Variants in FHIP2A observed in about 807,000 individuals in gnomAD.
FHIP2A encodes the protein FHF complex subunit HOOK interacting protein 2A.
A neutral mutation model predicts 93.5 loss-of-function variants in FHIP2A; 46 were observed. The observed-to-expected ratio is 0.49, with a 90% CI of 0.39 to 0.63. FHIP2A has a LOEUF of 0.63. FHIP2A is among the 20% of genes least tolerant of loss of function. The probability of loss-of-function intolerance (pLI) is 0.00; values close to 1 mark genes in which losing one functional copy is unlikely to be tolerated. For synonymous variants in FHIP2A, 332 were observed against 326.5 expected (o/e 1.02, Z -0.18); for missense variants, 769 against 909.7 (o/e 0.85, Z 1.99).
chr10:114,866,150 C>G (rs911248348), downstream of FHIP2A, among the ~76,000 whole-genome samples: 1 of 152,056 alleles, frequency 6.6e-6, no homozygotes, highest in East Asian at 1.9e-4. Flanking sequence ...AGCACAGGCC[C>G]CAGTGTGTGT....
intron 16 of FHIP2A, among the ~76,000 whole-genome samples, chr10:114,886,671 A>G (rs2083944698): frequency 6.6e-6 from 1 of 152,052 alleles, no homozygotes; most frequent in Non-Finnish European, 1.5e-5. Flanking sequence ...CAGCCTCCCA[A>G]GTAGTTGGGA....
intron 13 of FHIP2A, among the ~76,000 whole-genome samples, chr10:114,852,430 T>G (rs2083742675): frequency 6.6e-6 from 1 of 152,208 alleles, no homozygotes; most frequent in African/African-American, 2.4e-5. Context: ...TTTCCTGCTG[T>G]GGTCAGTGGC....
Position 114,830,932 on chromosome 10 carries a change from T to G in FHIP2A, c.124+2T>G. On this transcript the variant is annotated splice_donor_variant, in intron 2 of 16. Transcript: ENST00000369248. LOFTEE classifies it high-confidence loss of function. Reference sequence around the variant, plus strand: ...CCCATTACTACATAGAGACTTCAGGTAAGGAACAATGCTGATATTAACTGA... The same window carrying G: ...CCCATTACTACATAGAGACTTCAGGGAAGGAACAATGCTGATATTAACTGA... The G allele has an allele frequency of 6.4e-7, 1 of 1,554,618 alleles. No individual in the cohort carries two copies. The highest frequency in any genetic ancestry group is 8.8e-7 in the Non-Finnish European group (1 of 1,141,968).
chr10:114,829,617 G>A (rs887108203), intron 1 of FHIP2A, among the ~76,000 whole-genome samples: 6 of 152,098 alleles, frequency 3.9e-5, no homozygotes, highest in African/African-American at 1.4e-4. Context: ...TTGTGATATC[G>A]GACCTGTGAC....
Position 114,891,537 on chromosome 10 carries a change from A to ATGTGTGTG in FHIP2A, c.2193-7924_2193-7917dup, listed in dbSNP as rs34032569. Among the ~76,000 whole-genome samples, 382 of 137,196 alleles carry ATGTGTGTG rather than the reference A, an allele frequency of 2.8e-3. 3 individuals carry two copies. Among genetic ancestry groups the ATGTGTGTG allele is most frequent in the African/African-American group, 9.4e-3 (333 of 35,294 alleles). The allele number at this position is 137,196 out of a possible 152,430, so 90.0% of individuals were successfully genotyped here. ...GCCACAAGGGTGAATATATATATAT[A>ATGTGTGTG]TGTGTGTGTGTGTGTGTGTGTGTGT... is the stretch of plus-strand genomic sequence containing the variant. On this transcript the variant is annotated intron_variant, in intron 16 of 16. Transcript: ENST00000369250.
intron 16 of FHIP2A, among the ~76,000 whole-genome samples, chr10:114,896,689 T>A (rs1286800003): frequency 6.6e-6 from 1 of 152,214 alleles, no homozygotes; most frequent in Non-Finnish European, 1.5e-5. Flanking sequence ...ACCGAACCAA[T>A]GTACTTCTTA....
At chr10:114,898,745 T>A (rs2084012836) in intron 16 of FHIP2A, among the ~76,000 whole-genome samples, 1 of 152,192 alleles carries the variant, frequency 6.6e-6, no homozygotes, top group African/African-American at 2.4e-5. Flanking sequence ...AAAATGATAT[T>A]GATTTTGAGT....
intron 5 of FHIP2A, among the ~76,000 whole-genome samples, chr10:114,842,430 A>G (rs2083674298): frequency 6.6e-6 from 1 of 152,054 alleles, no homozygotes; most frequent in Non-Finnish European, 1.5e-5. Context: ...TATTTGAGAG[A>G]ATTTGGGGGC....
intron 16 of FHIP2A, among the ~76,000 whole-genome samples, chr10:114,879,534 A>G (rs2083906317): frequency 6.6e-6 from 1 of 152,216 alleles, no homozygotes; most frequent in Admixed American, 6.5e-5. Flanking sequence ...TATGAAATAG[A>G]GCATTTTATA....
At chr10:114,850,004 G>A (rs1393094531) in intron 13 of FHIP2A, among the ~76,000 whole-genome samples, 7 of 152,134 alleles carry the variant, frequency 4.6e-5, no homozygotes, top group Non-Finnish European at 5.9e-5. Context: ...GATATTTTGT[G>A]TATCTGTCAG....
At chr10:114,894,162 T>C (rs1315141832) in intron 16 of FHIP2A, among the ~76,000 whole-genome samples, 1 of 152,172 alleles carries the variant, frequency 6.6e-6, no homozygotes, top group Non-Finnish European at 1.5e-5. Context: ...GATTCTTTCA[T>C]TGATAACAGG....
At chr10:114,885,326 C>T (rs923444955) in intron 16 of FHIP2A, among the ~76,000 whole-genome samples, 5 of 148,628 alleles carry the variant, frequency 3.4e-5, no homozygotes, top group African/African-American at 5.0e-5. Flanking sequence ...AGCAGGGAGG[C>T]GTAGGTTACA....
chr10:114,866,727 G>C (rs1234230944), downstream of FHIP2A, among the ~76,000 whole-genome samples: 1 of 152,190 alleles, frequency 6.6e-6, no homozygotes, highest in African/African-American at 2.4e-5. Context: ...AACACTGTTA[G>C]AGAAACGAGA....
chr10:114,839,749 G>T (rs966506083), intron 5 of FHIP2A, among the ~76,000 whole-genome samples: 7 of 151,922 alleles, frequency 4.6e-5, no homozygotes, highest in African/African-American at 1.7e-4. Flanking sequence ...GGGCTTGGTG[G>T]CCCATGCCTA....
chr10:114,861,172 C>G, intron 15 of FHIP2A, 59 bp from the exon 16 acceptor site: 2 of 1,590,248 alleles, frequency 1.3e-6, no homozygotes, highest in Non-Finnish European at 1.7e-6. Context: ...CTTTTTAGAT[C>G]CTGAGGTTGT....
At position 114,843,893 on chromosome 10, in the gene FHIP2A, A is replaced by G. The variant is rs1270804793; in HGVS notation, c.969A>G (p.Ser323=). The stretch of plus-strand genomic sequence containing the variant: ...CCCTGTACAAGGCCCTACCTCAGTC[A>G]GTGGATCCGTTAGATATTGAAACCG... The part of the protein sequence containing the change: ...LASLYKALPQ[S]VDPLDIETVE... Residue 323 remains serine, a synonymous_variant, in exon 7 of 17, where the codon TCA becomes TCG. Coordinates refer to ENST00000369248, the MANE Select transcript of FHIP2A (RefSeq NM_020940.4). The G allele has an allele frequency of 6.3e-7, 1 of 1,594,408 alleles. No homozygotes were observed. Among genetic ancestry groups the G allele is most frequent in the East Asian group, 2.3e-5 (1 of 44,432 alleles).
chr10:114,876,114 C>A (rs778881350), intron 16 of FHIP2A, among the ~76,000 whole-genome samples: 3 of 152,192 alleles, frequency 2.0e-5, no homozygotes, highest in African/African-American at 7.2e-5. Context: ...CGCTCACCAG[C>A]GCTTTGCCTT....
chr10:114,898,052 GTT>G (rs1422422460), intron 16 of FHIP2A, among the ~76,000 whole-genome samples: 2 of 152,166 alleles, frequency 1.3e-5, no homozygotes, highest in African/African-American at 4.8e-5. Context: ...ACATAGAGGT[GTT>G]TTGTTTTCAT....
rs36026614 is a variant in FHIP2A at position 114,875,851 on chromosome 10, GAA to G, written c.2192+14521_2192+14522del. 1.5e-4 allele frequency among the ~76,000 whole-genome samples: 17 copies of G among 112,438 alleles called. 1 individual carries two copies. Among genetic ancestry groups the G allele is most frequent in the South Asian group, 8.3e-4 (3 of 3,626 alleles). The allele number at this position is 112,438 out of a possible 152,430, so 73.8% of individuals were successfully genotyped here. A position where few individuals can be genotyped will look rare whatever the true frequency, so the allele number is the denominator to read the frequency against. On this transcript the variant is annotated intron_variant, in intron 16 of 16. Transcript: ENST00000369250. ...GGAAGGTAAGAGAGAAAGAAAGAAA[GAA>G]AAAGAAAGAAAGAAAGAGAAAGAAA...
Sources: gnomAD v4.1 joint callset for allele counts (sites outside exome capture counted in the v4.1 genomes callset) on GRCh38, gnomAD v4.1.1 for gene constraint, MANE v1.5 for transcripts, NCBI Gene and HGNC (gene_info 2026-07-23, HGNC 2026-07-21) for gene names.